RPF2: variants seen among roughly 807,000 people sequenced by gnomAD.
RPF2 encodes the protein brix domain containing 1.
RPF2 carries 21 observed loss-of-function variants against 38.9 expected under a neutral mutation model. The ratio of observed to expected loss-of-function variants is 0.54; its 90% CI spans 0.38 to 0.78. The LOEUF (loss-of-function observed/expected upper bound fraction) is 0.78. Ranked by LOEUF, RPF2 falls within the 30% of genes least tolerant of loss-of-function variation. RPF2 has a pLI of 0.00. For synonymous variants in RPF2, 121 were observed against 126.2 expected (o/e 0.96, Z 0.28); for missense variants, 314 against 358.1 (o/e 0.88, Z 0.99).
intron 8 of RPF2, among the ~76,000 whole-genome samples, chr6:111,019,123 T>C (rs1479424279): frequency 6.6e-6 from 1 of 151,802 alleles, no homozygotes; most frequent in Non-Finnish European, 1.5e-5. Context: ...GGCAGGACAA[T>C]TGAGCCCAGG....
chr6:111,009,213 G>C (rs1771971099), intron 7 of RPF2, among the ~76,000 whole-genome samples: 1 of 152,080 alleles, frequency 6.6e-6, no homozygotes, highest in Admixed American at 6.6e-5. Flanking sequence ...CTGCCACCAT[G>C]CCCAGCTTAT....
intron 7 of RPF2, among the ~76,000 whole-genome samples, chr6:111,008,446 TAA>T (rs1771955395): frequency 6.6e-6 from 1 of 151,848 alleles, no homozygotes; most frequent in Non-Finnish European, 1.5e-5. Flanking sequence ...GGAAAGCACC[TAA>T]GTATCTCGGG....
chr6:110,994,949 G>GA (rs1231160334), intron 4 of RPF2, among the ~76,000 whole-genome samples: 18 of 152,102 alleles, frequency 1.2e-4, no homozygotes, highest in Non-Finnish European at 7.4e-5. Flanking sequence ...CTGTCACCCA[G>GA]GCTTGAGTGC....
At chr6:111,000,657 C>G (rs1325747102) in intron 6 of RPF2, among the ~76,000 whole-genome samples, 1 of 152,204 alleles carries the variant, frequency 6.6e-6, no homozygotes, top group African/African-American at 2.4e-5. Context: ...AATTGGGCTT[C>G]TGTTCCCTCA....
chr6:110,992,846 G>A (rs906551652), intron 4 of RPF2, among the ~76,000 whole-genome samples: 1 of 152,154 alleles, frequency 6.6e-6, no homozygotes, highest in Admixed American at 6.6e-5. Context: ...GGAGGCCAAG[G>A]CAGGAGGATC....
intron 3 of RPF2, among the ~76,000 whole-genome samples, chr6:110,990,559 A>ACCCCCC (rs34703789): frequency 1.9e-4 from 15 of 77,338 alleles, no homozygotes; most frequent in Non-Finnish European, 3.5e-4. Flanking sequence ...GCAATTGGGA[A>ACCCCCC]CCCCCCCCCC....
At chr6:110,985,722 G>A (rs953736639) in intron 2 of RPF2, among the ~76,000 whole-genome samples, 2 of 152,014 alleles carry the variant, frequency 1.3e-5, no homozygotes, top group African/African-American at 4.8e-5. Flanking sequence ...GGAGGATCAC[G>A]AAGTCAGAAG....
rs569595231 is a variant in RPF2, at chr6:111,020,451, T to G, written c.597-3732T>G. ...TGGTAACAGTAGCCTAAAACTCTTCTGTGTTGAACGGTTTCGCAGAAAGTA... is the reference window on the plus strand; with the variant it reads ...TGGTAACAGTAGCCTAAAACTCTTCGGTGTTGAACGGTTTCGCAGAAAGTA... On this transcript the variant is annotated intron_variant, in intron 8 of 9. Transcript: ENST00000441448. Among the ~76,000 whole-genome samples the G allele has an allele frequency of 5.3e-5, 8 of 152,358 alleles. No homozygotes were observed. The East Asian group carries it at 1.5e-3, about 29-fold the overall frequency.
At chr6:111,008,420 T>TC (rs76733427) in intron 7 of RPF2, among the ~76,000 whole-genome samples, 19,402 of 151,594 alleles carry the variant, frequency 0.13, 1,728 homozygotes, top group East Asian at 0.5. Flanking sequence ...CTTTTTTTTT[T>TC]CCCTTACCAG....
chr6:110,988,099 A>C (rs954463860), intron 2 of RPF2, among the ~76,000 whole-genome samples: 2 of 152,174 alleles, frequency 1.3e-5, no homozygotes, highest in African/African-American at 4.8e-5. Flanking sequence ...TGTACTTGGG[A>C]GGCTGAGATG....
Position 110,982,042 on chromosome 6 carries a change from C to A in RPF2, c.-65C>A. On this transcript the variant is annotated 5_prime_UTR_variant, in exon 1 of 10. Coordinates refer to ENST00000441448, the MANE Select transcript of RPF2 (RefSeq NM_032194.3). Reference sequence around the variant, plus strand: ...GCGCAGCTTCCGGTTCCGCCTGTTCCGGCGCACGTAATCGCCGAGGGCACG... The same window carrying A: ...GCGCAGCTTCCGGTTCCGCCTGTTCAGGCGCACGTAATCGCCGAGGGCACG... 2 of 1,595,248 alleles carry A rather than the reference C, an allele frequency of 1.3e-6. No individual in the cohort carries two copies. The highest frequency in any genetic ancestry group is 8.6e-7 in the Non-Finnish European group (1 of 1,162,998).
At chr6:111,006,367 T>C (rs1263714760) in intron 6 of RPF2, among the ~76,000 whole-genome samples, 2 of 151,940 alleles carry the variant, frequency 1.3e-5, no homozygotes, top group African/African-American at 4.8e-5. Context: ...CTGGAGTAGC[T>C]GGGACTACAG....
intron 8 of RPF2, among the ~76,000 whole-genome samples, chr6:111,021,103 A>T (rs1772224569): frequency 6.6e-6 from 1 of 152,164 alleles, no homozygotes; most frequent in Non-Finnish European, 1.5e-5. Flanking sequence ...ACGGAGTCGG[A>T]GATTGCAGCG....
intron 4 of RPF2, among the ~76,000 whole-genome samples, chr6:110,994,734 T>TATATATATATATATATATACACAC (rs1436106936): frequency 7.5e-6 from 1 of 134,066 alleles, no homozygotes; most frequent in African/African-American, 3.2e-5. Context: ...TGAGTATATA[T>TATATATATATATATATATACACAC]ACACACACAC....
intron 7 of RPF2, 64 bp downstream of exon 7, chr6:111,008,201 G>A (rs1221293920): frequency 1.4e-6 from 2 of 1,479,848 alleles, no homozygotes; most frequent in Non-Finnish European, 1.8e-6. Context: ...ACTCTCACTG[G>A]TGGCACTTTG....
At chr6:110,997,557 A>G (rs1771737844) in intron 5 of RPF2, among the ~76,000 whole-genome samples, 1 of 152,136 alleles carries the variant, frequency 6.6e-6, no homozygotes, top group African/African-American at 2.4e-5. Flanking sequence ...CCTGGCCAAC[A>G]TGGTGAAACC....
chr6:111,018,015 A>T (rs1307020747), intron 8 of RPF2, among the ~76,000 whole-genome samples: 1 of 152,188 alleles, frequency 6.6e-6, no homozygotes, highest in Non-Finnish European at 1.5e-5. Flanking sequence ...GCTGGAGACC[A>T]GCCTGGCCAA....
intron 4 of RPF2, among the ~76,000 whole-genome samples, chr6:110,995,838 T>TC (rs745948123): frequency 1.6e-4 from 25 of 152,140 alleles, no homozygotes; most frequent in Non-Finnish European, 2.9e-4. Flanking sequence ...CAAGATGGTG[T>TC]CACTCTGTCA....
intron 8 of RPF2, among the ~76,000 whole-genome samples, chr6:111,018,660 T>C (rs1772174430): frequency 6.6e-6 from 1 of 151,976 alleles, no homozygotes; most frequent in South Asian, 2.1e-4. Context: ...TTTTTCTCCA[T>C]ATAATTAATA....
Sources: allele counts gnomAD v4.1 joint callset (sites outside exome capture counted in the v4.1 genomes callset), GRCh38; gene constraint gnomAD v4.1.1; transcripts MANE v1.5; gene names NCBI Gene and HGNC (gene_info 2026-07-23, HGNC 2026-07-21).